NRG3: variants seen among roughly 807,000 people sequenced by gnomAD.
The protein encoded by NRG3 is pro-neuregulin-3, membrane-bound isoform.
A neutral mutation model predicts 66.9 loss-of-function variants in NRG3; 31 were observed. The ratio of observed to expected loss-of-function variants is 0.46; its 90% CI spans 0.35 to 0.63. NRG3 has a LOEUF of 0.63. Ranked by LOEUF, NRG3 falls within the 20% of genes least tolerant of loss-of-function variation. NRG3 has a pLI of 0.00. For synonymous variants in NRG3, 393 were observed against 359.4 expected, an observed-to-expected ratio of 1.09 and a Z score of -1.06; for missense variants, 910 against 878.9, an observed-to-expected ratio of 1.04 and a Z score of -0.45.
chr10:82,060,586 A>T (rs2064090446), intron 1 of NRG3, among the ~76,000 whole-genome samples: 2 of 152,198 alleles, frequency 1.3e-5, no homozygotes, highest in Admixed American at 6.5e-5. Context: ...ATATCATCTG[A>T]TTAGCAATCT....
intron 2 of NRG3, among the ~76,000 whole-genome samples, chr10:82,589,811 G>A (rs1421771294): frequency 5.3e-5 from 8 of 152,084 alleles, no homozygotes; most frequent in African/African-American, 1.9e-4. Context: ...TAGGGTAATT[G>A]GCAATTCCTG....
intron 2 of NRG3, among the ~76,000 whole-genome samples, chr10:82,596,415 C>T (rs2047281230): frequency 6.6e-6 from 1 of 152,164 alleles, no homozygotes; most frequent in African/African-American, 2.4e-5. Context: ...ACCTCAGAGA[C>T]TCTGGGTAAC....
chr10:82,213,539 T>G (rs2075509654), intron 1 of NRG3, among the ~76,000 whole-genome samples: 1 of 152,112 alleles, frequency 6.6e-6, no homozygotes, highest in Admixed American at 6.6e-5. Flanking sequence ...AAATCCAAAA[T>G]CTGAAACACT....
In NRG3 at chr10:82,295,057, A is replaced by G. The variant is rs543045306; in HGVS notation, c.824-63682A>G. On this transcript the variant is annotated intron_variant, in intron 1 of 8. Transcript: ENST00000372141. The stretch of plus-strand genomic sequence containing the variant: ...AATTTAAGGATGAGATTCATGTGCT[A>G]TTTGCTGACTAATGTAAAAAAAAAA... 1.4e-5 allele frequency among the ~76,000 whole-genome samples: 2 copies of G among 143,944 alleles called. 1 individual carries two copies. The highest frequency in any genetic ancestry group is 4.0e-4 in the East Asian group (2 of 4,974). The allele number at this position is 143,944 out of a possible 152,430, so 94.4% of individuals were successfully genotyped here. A position where few individuals can be genotyped will look rare whatever the true frequency, so the allele number is the denominator to read the frequency against.
In NRG3 at chr10:82,979,018, C is replaced by T. The variant is rs1465376275; in HGVS notation, c.1481C>T (p.Thr494Ile). ...CTCCATAGGAATGCCTTCAGAAGGA[C>T]ACCCCCGTCACCCCGAAGTAGGCTA... ...GMLHRNAFRR[T>I]PPSPRSRLGG... is the part of the protein sequence containing the mutation. Residue 494 changes from threonine (T) to isoleucine (I), a missense_variant, in exon 8 of 9, where the codon ACA becomes ATA. By Grantham distance (89) the Thr-to-Ile change is moderately conservative (BLOSUM62 -1). Coordinates refer to ENST00000372141, the MANE Select transcript of NRG3 (RefSeq NM_001010848.4). 1.9e-6 allele frequency: 3 copies of T among 1,614,074 alleles called. No homozygotes were observed. The highest frequency in any genetic ancestry group is 2.7e-5 in the African/African-American group (2 of 75,042).
intron 2 of NRG3, among the ~76,000 whole-genome samples, chr10:82,408,080 AG>A (rs2087706064): frequency 3.8e-4 from 48 of 127,808 alleles, no homozygotes; most frequent in African/African-American, 1.5e-3. Flanking sequence ...AGAGAGAGAG[AG>A]AGACAGAAAG....
At chr10:82,292,484 A>G (rs1020514901) in intron 1 of NRG3, among the ~76,000 whole-genome samples, 6 of 152,206 alleles carry the variant, frequency 3.9e-5, no homozygotes, top group African/African-American at 2.4e-5. Context: ...GCACTCTTGC[A>G]TATTAACCCC....
At chr10:82,782,826 GA>G (rs1178953425) in intron 3 of NRG3, among the ~76,000 whole-genome samples, 1 of 152,110 alleles carries the variant, frequency 6.6e-6, no homozygotes, top group Non-Finnish European at 1.5e-5. Context: ...CCGATCAATA[GA>G]AAAAGAGGGA....
At chr10:82,653,122 A>G (rs2051560719) in intron 2 of NRG3, among the ~76,000 whole-genome samples, 1 of 152,240 alleles carries the variant, frequency 6.6e-6, no homozygotes, top group South Asian at 2.1e-4. Flanking sequence ...TGATTATAAC[A>G]AGTGGCTTGT....
At chr10:82,717,310 C>T (rs2494021) in intron 2 of NRG3, among the ~76,000 whole-genome samples, 104,170 of 150,528 alleles carry the variant, frequency 0.69, 37,695 homozygotes, top group East Asian at 0.88. Context: ...ATGTTTTGGG[C>T]ATTATCTGTT....
At chr10:81,892,043 G>T (rs1395534152) in intron 1 of NRG3, among the ~76,000 whole-genome samples, 1 of 152,104 alleles carries the variant, frequency 6.6e-6, no homozygotes, top group Non-Finnish European at 1.5e-5. Context: ...TTGTCAGTTT[G>T]GCATTTAATA....
intron 2 of NRG3, among the ~76,000 whole-genome samples, chr10:82,405,388 C>T (rs1258745918): frequency 6.6e-6 from 1 of 150,484 alleles, no homozygotes; most frequent in Non-Finnish European, 1.5e-5. Context: ...GAAGAGATCA[C>T]GTGTTAATGG....
intron 3 of NRG3, among the ~76,000 whole-genome samples, chr10:82,861,576 C>T (rs1337199550): frequency 6.6e-6 from 1 of 152,168 alleles, no homozygotes; most frequent in Non-Finnish European, 1.5e-5. Context: ...TCTACAGATT[C>T]ACAAAGCCCG....
At chr10:82,720,121 G>A (rs1348411774) in intron 2 of NRG3, among the ~76,000 whole-genome samples, 1 of 152,208 alleles carries the variant, frequency 6.6e-6, no homozygotes, top group African/African-American at 2.4e-5. Flanking sequence ...TGGGCACAGT[G>A]GCTCATGCCT....
At chr10:82,032,428 C>T (rs1392376688) in intron 1 of NRG3, among the ~76,000 whole-genome samples, 4 of 152,000 alleles carry the variant, frequency 2.6e-5, no homozygotes, top group African/African-American at 9.6e-5. Context: ...AATGCTGCTT[C>T]AGTTAACAAT....
At chr10:82,361,607 A>G (rs963086941) in intron 2 of NRG3, among the ~76,000 whole-genome samples, 3 of 152,240 alleles carry the variant, frequency 2.0e-5, no homozygotes. Flanking sequence ...CTAAGATACT[A>G]TTGAATAAAT....
chr10:82,287,975 C>T (rs2079519001), intron 1 of NRG3, among the ~76,000 whole-genome samples: 1 of 152,152 alleles, frequency 6.6e-6, no homozygotes, highest in South Asian at 2.1e-4. Flanking sequence ...ATTTAATTCA[C>T]CCCCAAATCA....
intron 1 of NRG3, among the ~76,000 whole-genome samples, chr10:81,910,818 A>AT (rs1845064887): frequency 6.6e-6 from 1 of 151,936 alleles, no homozygotes; most frequent in African/African-American, 2.4e-5. Context: ...TGCCCAGCTA[A>AT]TTTTTATTTT....
intron 2 of NRG3, among the ~76,000 whole-genome samples, chr10:82,471,261 C>T (rs1365443389): frequency 6.6e-6 from 1 of 152,114 alleles, no homozygotes; most frequent in Non-Finnish European, 1.5e-5. Flanking sequence ...CACCCTGGAA[C>T]TCGAGAGGCC....
Sources: allele counts gnomAD v4.1 joint callset (sites outside exome capture counted in the v4.1 genomes callset), GRCh38; gene constraint gnomAD v4.1.1; transcripts MANE v1.5; gene names NCBI Gene and HGNC (gene_info 2026-07-23, HGNC 2026-07-21).